ASNS: variants seen among roughly 807,000 people sequenced by gnomAD.
The protein encoded by ASNS is asparagine synthetase [glutamine-hydrolyzing].
Under a neutral mutation model 62.6 loss-of-function variants are expected in ASNS, and 37 were observed. That is an observed-to-expected ratio of 0.59 (90% CI 0.45 to 0.78). ASNS has a LOEUF of 0.78. Among genes scored for constraint, ASNS ranks in the 30% least tolerant of loss-of-function variants. The probability of loss-of-function intolerance (pLI) is 0.00; values close to 1 mark genes in which losing one functional copy is unlikely to be tolerated. For synonymous variants in ASNS, 207 were observed against 237.9 expected, an observed-to-expected ratio of 0.87 and a Z score of 1.19; for missense variants, 520 against 682.4, an observed-to-expected ratio of 0.76 and a Z score of 2.65.
At chr7:97,924,977 A>G in the ASNS span, among the ~76,000 whole-genome samples, 1 of 152,026 alleles carries the variant, frequency 6.6e-6, no homozygotes. Flanking sequence ...TCTCTACTAA[A>G]AATACAAAAA....
rs569999099 is a variant in ASNS, at chr7:97,853,169, T to A, written c.1367A>T (p.Asn456Ile). The A allele has an allele frequency of 6.2e-7, 1 of 1,611,760 alleles. No homozygotes were observed. Among genetic ancestry groups the A allele is most frequent in the Non-Finnish European group, 8.5e-7 (1 of 1,179,134 alleles). The stretch of plus-strand genomic sequence containing the variant: ...CCAGAGAATCTCTTTGGGTATCAGA[T>A]TGGAATCCTCAAACGTCTCTCTCAG... Reference protein sequence around the residue: ...HLLRETFEDSNLIPKEILWRP... With the variant: ...HLLRETFEDSILIPKEILWRP... Residue 456 changes from asparagine to isoleucine, a missense_variant, in exon 12 of 13, where the codon AAT (asparagine) becomes ATT (isoleucine). Coordinates refer to ENST00000394308, the MANE Select transcript of ASNS (RefSeq NM_001673.5).
chr7:97,890,932 G>T, the ASNS span, among the ~76,000 whole-genome samples: 2 of 151,994 alleles, frequency 1.3e-5, no homozygotes, highest in African/African-American at 4.8e-5. Context: ...TAGTAGTTCA[G>T]ACACACAAAG....
the ASNS span, among the ~76,000 whole-genome samples, chr7:97,927,511 G>A: frequency 6.6e-6 from 1 of 152,256 alleles, no homozygotes; most frequent in South Asian, 2.1e-4. Context: ...AACCCCAGCC[G>A]CCTGGCTCCA....
the ASNS span, chr7:97,898,411 T>C: frequency 4.1e-5 from 21 of 517,356 alleles, no homozygotes; most frequent in Admixed American, 3.0e-4. Context: ...TCGTCCCTAG[T>C]GGGTTTTCCA....
In ASNS at chr7:97,859,267, A is replaced by C; in HGVS notation, c.619T>G (p.Cys207Gly). The change falls in exon 5 of 13, where the codon TGT becomes GGT. Residue 207 changes from cysteine (C) to glycine (G), a missense_variant. Transcript: ENST00000394308. The stretch of plus-strand genomic sequence containing the variant: ...AGGGCGTGCAGGGGTACATCCCGAC[A>C]GTGATGATATTTAACCATTTCCACG... Reference protein sequence around the residue: ...ASVEMVKYHHCRDVPLHALYD... With the variant: ...ASVEMVKYHHGRDVPLHALYD... The C allele has an allele frequency of 3.1e-6, 5 of 1,614,194 alleles. No individual in the cohort carries two copies. Among genetic ancestry groups the C allele is most frequent in the Non-Finnish European group, 4.2e-6 (5 of 1,180,022 alleles).
At chr7:97,870,840 T>G (rs1792220275) in intron 1 of ASNS, among the ~76,000 whole-genome samples, 1 of 152,132 alleles carries the variant, frequency 6.6e-6, no homozygotes, top group Non-Finnish European at 1.5e-5. Flanking sequence ...ATAAATACAT[T>G]CTAACCACTA....
chr7:97,855,078 G>A, intron 9 of ASNS: 1 of 402,070 alleles, frequency 2.5e-6, no homozygotes, highest in Non-Finnish European at 4.5e-6. Flanking sequence ...CCTGGGTTCA[G>A]GTGATCCTCC....
At chr7:97,892,508 A>G in the ASNS span, among the ~76,000 whole-genome samples, 2 of 152,102 alleles carry the variant, frequency 1.3e-5, no homozygotes, top group South Asian at 4.2e-4. Context: ...CCAAACTTTC[A>G]TGCTCTGCTT....
chr7:97,883,776 A>G, the ASNS span, among the ~76,000 whole-genome samples: 1 of 151,362 alleles, frequency 6.6e-6, no homozygotes, highest in Non-Finnish European at 1.5e-5. Flanking sequence ...TCATGACGTT[A>G]GGAGATCCAG....
At chr7:97,902,081 T>A in the ASNS span, among the ~76,000 whole-genome samples, 14 of 152,222 alleles carry the variant, frequency 9.2e-5, no homozygotes, top group African/African-American at 3.4e-4. Flanking sequence ...TCCACAAGAT[T>A]TCAGCAAAGT....
At chr7:97,860,234 T>C (rs568489388) in intron 4 of ASNS, among the ~76,000 whole-genome samples, 1 of 152,296 alleles carries the variant, frequency 6.6e-6, no homozygotes, top group South Asian at 2.1e-4. Flanking sequence ...AAGCAGGCAA[T>C]ACTATAATCA....
intron 4 of ASNS, 146 bp from the exon 5 acceptor site, chr7:97,859,544 T>A (rs1366435149): frequency 1.2e-6 from 1 of 846,718 alleles, no homozygotes; most frequent in South Asian, 3.3e-5. Flanking sequence ...AAAAAAATTT[T>A]CTATTTTCCT....
intron 4 of ASNS, chr7:97,863,136 T>C (rs1488891700): frequency 6.6e-6 from 1 of 152,232 alleles, no homozygotes; most frequent in Non-Finnish European, 1.5e-5. Context: ...CTCCTAGATA[T>C]ACACCCAAGG....
chr7:97,889,763 G>C, the ASNS span, among the ~76,000 whole-genome samples: 2 of 151,144 alleles, frequency 1.3e-5, no homozygotes, highest in African/African-American at 4.9e-5. Context: ...GTCACATAAG[G>C]ATGCAAGAAA....
At chr7:97,894,729 C>A in the ASNS span, among the ~76,000 whole-genome samples, 5 of 152,156 alleles carry the variant, frequency 3.3e-5, no homozygotes, top group African/African-American at 1.2e-4. Flanking sequence ...GACTCAGTAA[C>A]ATAAAGTCTC....
the ASNS span, among the ~76,000 whole-genome samples, chr7:97,880,178 G>A: frequency 3.2e-4 from 48 of 151,004 alleles, no homozygotes; most frequent in African/African-American, 1.1e-3. Context: ...AGGCTGGAGT[G>A]TAGTGGTGTG....
intron 1 of ASNS, chr7:97,870,422 T>C: frequency 4.0e-6 from 1 of 249,518 alleles, no homozygotes; most frequent in Non-Finnish European, 7.6e-6. Flanking sequence ...AAAATATACA[T>C]TCAAGTTGCA....
At chr7:97,890,200 G>A in the ASNS span, among the ~76,000 whole-genome samples, 2 of 152,018 alleles carry the variant, frequency 1.3e-5, no homozygotes, top group Admixed American at 1.3e-4. Flanking sequence ...ATGACATATG[G>A]GACACATATG....
At chr7:97,921,880 A>C in the ASNS span, among the ~76,000 whole-genome samples, 2 of 151,966 alleles carry the variant, frequency 1.3e-5, no homozygotes, top group South Asian at 4.2e-4. Context: ...TCCTCCCCCA[A>C]CTGGTCTCCA....
Sources: allele counts gnomAD v4.1 joint callset (sites outside exome capture counted in the v4.1 genomes callset), GRCh38; gene constraint gnomAD v4.1.1; transcripts MANE v1.5; gene names NCBI Gene and HGNC (gene_info 2026-07-23, HGNC 2026-07-21).